Variants in IL1RAPL2 observed in about 807,000 individuals in gnomAD.
IL1RAPL2 encodes the protein X-linked interleukin-1 receptor accessory protein-like 2.
A neutral mutation model predicts 44.1 loss-of-function variants in IL1RAPL2; 3 were observed. The observed-to-expected ratio is 0.07, with a 90% CI of 0.03 to 0.18. The LOEUF is 0.18. Ranked by LOEUF, IL1RAPL2 falls within the 10% of genes least tolerant of loss-of-function variation. IL1RAPL2 has a pLI of 1.00. For missense variants in IL1RAPL2, 391 were observed against 496.4 expected, an observed-to-expected ratio of 0.79 and a Z score of 2.02; for synonymous variants, 181 against 178.8, an observed-to-expected ratio of 1.01 and a Z score of -0.10.
chrX:105,238,404 A>T (rs1349444809), intron 4 of IL1RAPL2, among the ~76,000 whole-genome samples: 2 of 111,911 alleles, frequency 1.8e-5, no homozygotes, highest in East Asian at 5.6e-4. Flanking sequence ...TGATGTCACT[A>T]TCACCATCAT....
chrX:105,209,873 A>G (rs914362763), intron 3 of IL1RAPL2, among the ~76,000 whole-genome samples: 2 of 111,712 alleles, frequency 1.8e-5, no homozygotes, highest in African/African-American at 6.5e-5. Flanking sequence ...GACCAGAGAG[A>G]TAAGTGTCTG....
chrX:104,611,657 G>A (rs1476453866), intron 1 of IL1RAPL2, among the ~76,000 whole-genome samples: 2 of 108,935 alleles, frequency 1.8e-5, no homozygotes, highest in African/African-American at 6.7e-5. Flanking sequence ...CTAACACGGT[G>A]AAACCCCGTC....
chrX:105,366,056 G>A (rs73525350), intron 5 of IL1RAPL2, among the ~76,000 whole-genome samples: 8,127 of 109,734 alleles, frequency 0.074, 775 homozygotes, highest in African/African-American at 0.26. Flanking sequence ...CAAGCAATCC[G>A]CCTGCCTCAG....
At chrX:104,623,262 G>T (rs996526899) in intron 1 of IL1RAPL2, among the ~76,000 whole-genome samples, 9 of 109,992 alleles carry the variant, frequency 8.2e-5, no homozygotes, top group Non-Finnish European at 1.5e-4. Flanking sequence ...TAGATATTTG[G>T]CTTCATATGC....
chrX:105,417,715 A>G (rs1436370014), intron 5 of IL1RAPL2, among the ~76,000 whole-genome samples: 1 of 111,899 alleles, frequency 8.9e-6, no homozygotes, highest in African/African-American at 3.3e-5. Context: ...GGATGAAAAG[A>G]TGAGACCTAG....
At chrX:104,988,756 A>G (rs1006067348) in intron 2 of IL1RAPL2, among the ~76,000 whole-genome samples, 1 of 112,287 alleles carries the variant, frequency 8.9e-6, no homozygotes, top group South Asian at 3.6e-4. Context: ...AAAGAAATTC[A>G]CTGATTAAGT....
At chrX:105,493,587 C>G (rs1602436978) in intron 6 of IL1RAPL2, among the ~76,000 whole-genome samples, 1 of 111,395 alleles carries the variant, frequency 9.0e-6, no homozygotes, top group African/African-American at 3.3e-5. Context: ...GTCTATGGCC[C>G]CTTTTTTAAA....
intron 2 of IL1RAPL2, among the ~76,000 whole-genome samples, chrX:104,883,461 C>T (rs1240156064): frequency 2.7e-5 from 3 of 111,114 alleles, no homozygotes; most frequent in African/African-American, 6.6e-5. Flanking sequence ...TCCAGGGTCC[C>T]GACAACAAGT....
At chrX:104,843,410 G>A (rs779611480) in intron 2 of IL1RAPL2, among the ~76,000 whole-genome samples, 2 of 110,996 alleles carry the variant, frequency 1.8e-5, no homozygotes, top group South Asian at 7.8e-4. Flanking sequence ...CCAGGGGAGT[G>A]GATGGTTCTC....
chrX:105,437,326 T>A (rs907406552), intron 5 of IL1RAPL2, among the ~76,000 whole-genome samples: 14 of 110,399 alleles, frequency 1.3e-4, no homozygotes, highest in Admixed American at 7.8e-4. Context: ...TTACAAGCAA[T>A]GCTACAAACA....
chrX:104,648,863 AC>A (rs1569289382), intron 1 of IL1RAPL2, among the ~76,000 whole-genome samples: 1 of 111,291 alleles, frequency 9.0e-6, no homozygotes, highest in Non-Finnish European at 1.9e-5. Flanking sequence ...AAAGCTGGGG[AC>A]TATGATCACT....
intron 2 of IL1RAPL2, among the ~76,000 whole-genome samples, chrX:105,182,059 T>C (rs1156296277): frequency 1.0e-5 from 1 of 96,601 alleles, no homozygotes; most frequent in Non-Finnish European, 2.0e-5. Context: ...AGAGTGAGAC[T>C]CTGTCAAAAA....
At chrX:104,868,622 A>C (rs1423526229) in intron 2 of IL1RAPL2, among the ~76,000 whole-genome samples, 1 of 112,431 alleles carries the variant, frequency 8.9e-6, no homozygotes, top group Admixed American at 9.4e-5. Flanking sequence ...AAGAAACATA[A>C]GTGCTGCTTC....
At position 105,115,375 on chromosome X, in the gene IL1RAPL2, T is replaced by A. The variant is rs562219552; in HGVS notation, c.83-80100T>A. 7.2e-5 allele frequency among the ~76,000 whole-genome samples: 8 copies of A among 111,630 alleles called. No homozygotes were observed. In the South Asian group the frequency reaches 3.1e-3, roughly 43 times the overall value. ...TGGGCAGCCTGCCTTTATTCTCTTA[T>A]CTGGCCCCACCCACATCCTGCTGAT... On this transcript the variant is annotated intron_variant, in intron 2 of 10. Coordinates refer to ENST00000372582, the MANE Select transcript of IL1RAPL2 (RefSeq NM_017416.2).
Position 105,276,987 on chromosome X carries a change from G to A in IL1RAPL2, c.697+9446G>A, listed in dbSNP as rs751373864. 6.3e-5 allele frequency among the ~76,000 whole-genome samples: 7 copies of A among 111,766 alleles called. No individual in the cohort carries two copies. In the South Asian group the frequency reaches 2.6e-3, roughly 42 times the overall value. On this transcript the variant is annotated intron_variant, in intron 5 of 10. Transcript: ENST00000372582. ...TTATGGATGTAATACTATGGGACGGGTATTGACAAATGGATCACCTTAGAA... is the reference window on the plus strand; with the variant it reads ...TTATGGATGTAATACTATGGGACGGATATTGACAAATGGATCACCTTAGAA...
intron 6 of IL1RAPL2, among the ~76,000 whole-genome samples, chrX:105,564,094 C>A (rs1457130127): frequency 9.0e-6 from 1 of 111,606 alleles, no homozygotes; most frequent in Non-Finnish European, 1.9e-5. Context: ...ATTCTCACTT[C>A]ATCCTCACAG....
chrX:105,444,740 C>T (rs1272645031), intron 5 of IL1RAPL2, among the ~76,000 whole-genome samples: 1 of 110,920 alleles, frequency 9.0e-6, no homozygotes, highest in African/African-American at 3.3e-5. Context: ...CTGCACCTAT[C>T]AACCCATCAT....
At chrX:105,416,174 A>C (rs1284019410) in intron 5 of IL1RAPL2, among the ~76,000 whole-genome samples, 1 of 112,019 alleles carries the variant, frequency 8.9e-6, no homozygotes, top group Non-Finnish European at 1.9e-5. Context: ...TGAAAAATTG[A>C]AGTGTGCCAT....
At chrX:105,026,629 C>G (rs2031377613) in intron 2 of IL1RAPL2, among the ~76,000 whole-genome samples, 1 of 109,986 alleles carries the variant, frequency 9.1e-6, no homozygotes, top group Non-Finnish European at 1.9e-5. Context: ...TAGGAATTAA[C>G]CAAAGAAATG....
Sources: gnomAD v4.1 joint callset for allele counts (sites outside exome capture counted in the v4.1 genomes callset) on GRCh38, gnomAD v4.1.1 for gene constraint, MANE v1.5 for transcripts, NCBI Gene and HGNC (gene_info 2026-07-23, HGNC 2026-07-21) for gene names.